Variants in NELL1 observed in about 807,000 individuals in gnomAD.
NELL1 encodes protein kinase C-binding protein NELL1.
NELL1 carries 76 observed loss-of-function variants against 107.4 expected under a neutral mutation model. That is an observed-to-expected ratio of 0.71 (90% CI 0.59 to 0.86). NELL1 has a LOEUF of 0.86. Ranked by LOEUF, NELL1 falls within the 40% of genes least tolerant of loss-of-function variation. The pLI, the probability that NELL1 is intolerant of heterozygous loss-of-function variation, is 0.00. For missense variants in NELL1, 1,024 were observed against 1,005.5 expected (o/e 1.02, Z -0.25); for synonymous variants, 353 against 341.2 (o/e 1.03, Z -0.38).
rs762196363 is a variant in NELL1 at position 20,960,442 on chromosome 11, T to C, written c.1182T>C (p.Phe394=). The C allele has an allele frequency of 1.2e-6, 2 of 1,613,846 alleles. No individual in the cohort carries two copies. The highest frequency in any genetic ancestry group is 2.2e-5 in the South Asian group (2 of 91,056). The change falls in exon 12 of 20, where the codon TTT becomes TTC. Residue 394 remains phenylalanine, a synonymous_variant. Coordinates refer to ENST00000357134, the MANE Select transcript of NELL1 (RefSeq NM_006157.5). ...ATTTGTTTTTTCTAGGTCATAACTTTTGTGCAGAAGGACCTAAATGTGGTG... is the reference window on the plus strand; with the variant it reads ...ATTTGTTTTTTCTAGGTCATAACTTCTGTGCAGAAGGACCTAAATGTGGTG... ...QCCRVCRGHN[F]CAEGPKCGEN...
At chr11:21,115,485 T>A (rs1390806463) in intron 13 of NELL1, among the ~76,000 whole-genome samples, 2 of 151,938 alleles carry the variant, frequency 1.3e-5, no homozygotes, top group Non-Finnish European at 2.9e-5. Context: ...GGTTGGGTGC[T>A]GTGGAGGACA....
intron 15 of NELL1, among the ~76,000 whole-genome samples, chr11:21,386,933 G>A (rs17305386): frequency 0.018 from 2,748 of 151,904 alleles, 42 homozygotes; most frequent in Non-Finnish European, 0.027. Context: ...CTTCATTTAA[G>A]CTAGACTTTG....
intron 13 of NELL1, among the ~76,000 whole-genome samples, chr11:21,167,725 A>G (rs1027890781): frequency 3.3e-5 from 5 of 151,752 alleles, no homozygotes; most frequent in Non-Finnish European, 1.5e-5. Flanking sequence ...CATTCCTTGG[A>G]CACACTGAGC....
intron 15 of NELL1, among the ~76,000 whole-genome samples, chr11:21,380,387 G>A (rs545240026): frequency 2.6e-5 from 4 of 151,988 alleles, no homozygotes; most frequent in Non-Finnish European, 4.4e-5. Flanking sequence ...TCCTGTCCTG[G>A]ATGTTTCCAG....
intron 12 of NELL1, among the ~76,000 whole-genome samples, chr11:21,099,038 C>T (rs1854728887): frequency 6.6e-6 from 1 of 151,818 alleles, no homozygotes; most frequent in Non-Finnish European, 1.5e-5. Flanking sequence ...GTAGGACGAC[C>T]AATTCATCTT....
chr11:20,882,558 C>G (rs1590377003), intron 4 of NELL1, among the ~76,000 whole-genome samples: 1 of 152,198 alleles, frequency 6.6e-6, no homozygotes, highest in African/African-American at 2.4e-5. Context: ...TATATACAAA[C>G]AGTATTGTTA....
chr11:20,764,403 G>T (rs1223685624), intron 2 of NELL1, among the ~76,000 whole-genome samples: 1 of 151,962 alleles, frequency 6.6e-6, no homozygotes, highest in Admixed American at 6.6e-5. Context: ...AAATATGGTG[G>T]GTTGGGTGAG....
At chr11:21,301,477 T>A (rs756643787) in intron 14 of NELL1, among the ~76,000 whole-genome samples, 4 of 152,128 alleles carry the variant, frequency 2.6e-5, no homozygotes, top group Non-Finnish European at 4.4e-5. Flanking sequence ...GTTTTCATTT[T>A]CATTTCTCTG....
In NELL1 at chr11:21,398,375, G is replaced by A. The variant is rs1852026127; in HGVS notation, c.1645+27427G>A. Among the ~76,000 whole-genome samples, 2 of 151,708 alleles carry A rather than the reference G, an allele frequency of 1.3e-5. 1 individual carries two copies. The highest frequency in any genetic ancestry group is 2.9e-5 in the Non-Finnish European group (2 of 67,814). ...CCTATTCTGGCAATCTGAAAACCTT[G>A]TGTGATTCACTCCGTCAGCTCTTCT... On this transcript the variant is annotated intron_variant, in intron 15 of 19. Transcript: ENST00000357134.
At chr11:21,134,068 C>A (rs886224218) in intron 13 of NELL1, among the ~76,000 whole-genome samples, 4 of 152,234 alleles carry the variant, frequency 2.6e-5, no homozygotes, top group Non-Finnish European at 4.4e-5. Flanking sequence ...AGAAGACCTG[C>A]ATTCAAGTCT....
At chr11:21,423,254 C>T (rs1285031451) in intron 15 of NELL1, among the ~76,000 whole-genome samples, 1 of 151,956 alleles carries the variant, frequency 6.6e-6, no homozygotes, top group Non-Finnish European at 1.5e-5. Context: ...CCTGTAGTCC[C>T]AGCTACTCGG....
At chr11:21,044,710 G>T (rs1853315333) in intron 12 of NELL1, among the ~76,000 whole-genome samples, 1 of 152,160 alleles carries the variant, frequency 6.6e-6, no homozygotes, top group Non-Finnish European at 1.5e-5. Flanking sequence ...TTAACAAGAA[G>T]TAAAAGATGG....
chr11:21,470,476 G>A (rs903912603), intron 15 of NELL1, among the ~76,000 whole-genome samples: 2 of 152,004 alleles, frequency 1.3e-5, no homozygotes, highest in Non-Finnish European at 2.9e-5. Context: ...TTAAATGCCT[G>A]ATATGTACAT....
intron 3 of NELL1, among the ~76,000 whole-genome samples, chr11:20,784,162 G>A (rs1343102410): frequency 6.6e-6 from 1 of 152,152 alleles, no homozygotes; most frequent in Non-Finnish European, 1.5e-5. Flanking sequence ...GTGTTTATGT[G>A]GGGATTATAC....
At chr11:20,886,274 T>C (rs1184389477) in intron 5 of NELL1, among the ~76,000 whole-genome samples, 1 of 152,096 alleles carries the variant, frequency 6.6e-6, no homozygotes, top group Non-Finnish European at 1.5e-5. Flanking sequence ...AAAAACTGCA[T>C]TATTATACTT....
At chr11:20,811,879 A>C (rs1456641226) in intron 3 of NELL1, among the ~76,000 whole-genome samples, 1 of 152,078 alleles carries the variant, frequency 6.6e-6, no homozygotes, top group Non-Finnish European at 1.5e-5. Flanking sequence ...TGTTGTCTGC[A>C]AACAAGGACA....
chr11:21,516,610 A>G (rs1855567776), intron 15 of NELL1, among the ~76,000 whole-genome samples: 1 of 152,170 alleles, frequency 6.6e-6, no homozygotes, highest in Non-Finnish European at 1.5e-5. Context: ...ACTATAGGCA[A>G]TTGTAACATG....
In NELL1 at chr11:20,963,498, C is replaced by T. The variant is rs548170422; in HGVS notation, c.1300+2938C>T. Among the ~76,000 whole-genome samples, 7 of 151,500 alleles carry T rather than the reference C, an allele frequency of 4.6e-5. No individual in the cohort carries two copies. The South Asian group carries it at 1.0e-3, about 23-fold the overall frequency. On this transcript the variant is annotated intron_variant, in intron 12 of 19. Coordinates refer to ENST00000357134, the MANE Select transcript of NELL1 (RefSeq NM_006157.5). ...GGTTACAACAAAATAGGGTTTTAAC[C>T]CTATTCAATAAAATAGGGTTTTAGC... is the stretch of plus-strand genomic sequence containing the variant.
chr11:21,447,405 C>A (rs1393619624), intron 15 of NELL1, among the ~76,000 whole-genome samples: 1 of 152,164 alleles, frequency 6.6e-6, no homozygotes, highest in Non-Finnish European at 1.5e-5. Flanking sequence ...CAGCATGTCT[C>A]AGAATCTCAC....
Sources: gnomAD v4.1 joint callset for allele counts (sites outside exome capture counted in the v4.1 genomes callset) on GRCh38, gnomAD v4.1.1 for gene constraint, MANE v1.5 for transcripts, NCBI Gene and HGNC (gene_info 2026-07-23, HGNC 2026-07-21) for gene names.